Variants in AGBL1 observed in about 807,000 individuals in gnomAD.
AGBL1 encodes the protein cytosolic carboxypeptidase 4.
In AGBL1, 130 loss-of-function variants were observed where a neutral mutation model predicts 118.9. That is an observed-to-expected ratio of 1.09 (90% CI 0.95 to 1.26). AGBL1 has a LOEUF of 1.26. Ranked by LOEUF, AGBL1 falls within the 50% of genes most tolerant of loss-of-function variation. AGBL1 has a pLI of 0.00. For synonymous variants in AGBL1, 555 were observed against 478.9 expected, an observed-to-expected ratio of 1.16 and a Z score of -2.08; for missense variants, 1,584 against 1,298.1, an observed-to-expected ratio of 1.22 and a Z score of -3.38.
At chr15:86,715,402 C>T (rs981160746) in intron 22 of AGBL1, among the ~76,000 whole-genome samples, 3 of 152,160 alleles carry the variant, frequency 2.0e-5, no homozygotes, top group Admixed American at 6.5e-5. Context: ...ATGGTCTTCT[C>T]GTAGAAGCGT....
chr15:86,109,904 C>G (rs1339047333), intron 1 of AGBL1: 1 of 152,204 alleles, frequency 6.6e-6, no homozygotes, highest in African/African-American at 2.4e-5. Context: ...AGTAACTTAG[C>G]TATCCACAAA....
chr15:86,604,020 A>G lies in AGBL1; in HGVS notation c.2994+49483A>G, dbSNP rs190794555. On this transcript the variant is annotated intron_variant, in intron 21 of 22. Coordinates refer to ENST00000614907, the MANE Select transcript of AGBL1 (RefSeq NM_001386094.1). ...ATATTTCTGCTTTAAGATTCACACAATGTGAAATTTCAGGCAAGCATTTTC... is the reference window on the plus strand; with the variant it reads ...ATATTTCTGCTTTAAGATTCACACAGTGTGAAATTTCAGGCAAGCATTTTC... Among the ~76,000 whole-genome samples, 6 of 152,238 alleles carry G rather than the reference A, an allele frequency of 3.9e-5. No individual in the cohort carries two copies. The East Asian group carries it at 1.2e-3, about 29-fold the overall frequency.
At chr15:86,546,682 C>A (rs1163017656) in intron 20 of AGBL1, among the ~76,000 whole-genome samples, 1 of 152,246 alleles carries the variant, frequency 6.6e-6, no homozygotes, top group African/African-American at 2.4e-5. Context: ...AATCCACTGA[C>A]CCTAATTCTA....
At chr15:86,720,960 A>G (rs1045801155) in intron 22 of AGBL1, among the ~76,000 whole-genome samples, 8 of 152,222 alleles carry the variant, frequency 5.3e-5, no homozygotes, top group African/African-American at 1.2e-4. Context: ...AAGAAGTTGA[A>G]TCTCTGAATA....
At chr15:86,481,772 A>G (rs1596171531) in intron 18 of AGBL1, among the ~76,000 whole-genome samples, 2 of 152,114 alleles carry the variant, frequency 1.3e-5, no homozygotes, top group Non-Finnish European at 2.9e-5. Context: ...TCATCTTAGA[A>G]CTAGACAGAA....
At chr15:86,957,351 AG>A (rs559223093) in intron 23 of AGBL1, among the ~76,000 whole-genome samples, 13 of 152,260 alleles carry the variant, frequency 8.5e-5, no homozygotes, top group African/African-American at 3.1e-4. Flanking sequence ...CTAATGCAGA[AG>A]AAAAAATTTC....
Position 86,781,574 on chromosome 15 carries a change from C to G in AGBL1, c.3158+107138C>G, listed in dbSNP as rs74025473. 7.9e-3 allele frequency among the ~76,000 whole-genome samples: 1,207 copies of G among 152,256 alleles called. 12 individuals carry two copies. The highest frequency in any genetic ancestry group is 0.027 in the African/African-American group (1,118 of 41,558). ...AAAAATCATCTTTTCTTACCCCACT[C>G]TTTGTATATCTCCCTGTGTCACTCT... On this transcript the variant is annotated intron_variant, in intron 22 of 22. Transcript: ENST00000614907.
chr15:86,860,410 A>G (rs1254840710), intron 22 of AGBL1, among the ~76,000 whole-genome samples: 1 of 150,814 alleles, frequency 6.6e-6, no homozygotes, highest in African/African-American at 2.4e-5. Flanking sequence ...CCTGGAATAT[A>G]TATATATCTC....
At chr15:86,270,948 G>C (rs2079149958) in intron 14 of AGBL1, among the ~76,000 whole-genome samples, 1 of 151,430 alleles carries the variant, frequency 6.6e-6, no homozygotes, top group Non-Finnish European at 1.5e-5. Flanking sequence ...TTCTAGAGTA[G>C]CATTCTCTGC....
intron 22 of AGBL1, among the ~76,000 whole-genome samples, chr15:86,675,158 C>G (rs2085816704): frequency 1.3e-5 from 2 of 152,150 alleles, no homozygotes; most frequent in Non-Finnish European, 2.9e-5. Context: ...CCAAAAGCGG[C>G]TAAGTCATTG....
intron 22 of AGBL1, among the ~76,000 whole-genome samples, chr15:86,753,237 A>T (rs142163394): frequency 6.6e-6 from 1 of 151,832 alleles, no homozygotes. Context: ...TTCTGGCTCA[A>T]TCTCCATTCT....
intron 17 of AGBL1, among the ~76,000 whole-genome samples, chr15:86,380,327 C>T (rs1195856596): frequency 6.7e-6 from 1 of 148,850 alleles, no homozygotes; most frequent in Non-Finnish European, 1.5e-5. Flanking sequence ...CTGTGTCGCC[C>T]AGGCTGGAGG....
chr15:86,808,848 T>C (rs1225920745), intron 22 of AGBL1, among the ~76,000 whole-genome samples: 1 of 151,994 alleles, frequency 6.6e-6, no homozygotes, highest in Admixed American at 6.6e-5. Context: ...TTTAGTTGTC[T>C]CTCTGCTTTC....
intron 21 of AGBL1, among the ~76,000 whole-genome samples, chr15:86,565,654 A>C (rs1007605414): frequency 6.6e-6 from 1 of 152,238 alleles, no homozygotes; most frequent in East Asian, 1.9e-4. Context: ...ACTGTCTTCA[A>C]TGCTGTCAGA....
At chr15:86,725,043 T>C (rs953711432) in intron 22 of AGBL1, among the ~76,000 whole-genome samples, 7 of 152,016 alleles carry the variant, frequency 4.6e-5, no homozygotes, top group Non-Finnish European at 1.0e-4. Flanking sequence ...ATATGAAGCA[T>C]GAGAAAAAAA....
chr15:86,769,176 G>GAGAGAGAGAGAAAGAGGGA (rs1555448306), intron 22 of AGBL1, among the ~76,000 whole-genome samples: 1 of 66,608 alleles, frequency 1.5e-5, no homozygotes. Context: ...ATTTTGAGAG[G>GAGAGAGAGAGAAAGAGGGA]GAGAGAGAGA....
intron 1 of AGBL1, among the ~76,000 whole-genome samples, chr15:86,118,865 G>A (rs1440181737): frequency 1.3e-5 from 2 of 152,122 alleles, no homozygotes; most frequent in Non-Finnish European, 2.9e-5. Flanking sequence ...CTTGGCATAA[G>A]CATAATAATA....
At chr15:86,683,615 A>G (rs1180870551) in intron 22 of AGBL1, among the ~76,000 whole-genome samples, 2 of 152,186 alleles carry the variant, frequency 1.3e-5, no homozygotes, top group Admixed American at 6.6e-5. Context: ...CTCAGGCTCA[A>G]CCAAATGAAC....
chr15:86,418,686 T>G (rs557960198), intron 18 of AGBL1, among the ~76,000 whole-genome samples: 40 of 152,324 alleles, frequency 2.6e-4, no homozygotes, highest in South Asian at 8.3e-4. Context: ...GCTAAGCCAC[T>G]GCCTTTGAAG....
Sources: gnomAD v4.1 joint callset for allele counts (sites outside exome capture counted in the v4.1 genomes callset) on GRCh38, gnomAD v4.1.1 for gene constraint, MANE v1.5 for transcripts, NCBI Gene and HGNC (gene_info 2026-07-23, HGNC 2026-07-21) for gene names.